The following MIB1 variants were observed in gnomAD, a reference collection of about 807,000 sequenced individuals.
The protein encoded by MIB1 is MIB E3 ubiquitin protein ligase 1.
A neutral mutation model predicts 124.5 loss-of-function variants in MIB1; 278 were observed. The observed-to-expected ratio is 2.23, with a 90% confidence interval of 2.02 to 2.47. The LOEUF is 2.47. Ranked by LOEUF, MIB1 falls within the 30% of genes most tolerant of loss-of-function variation. The pLI, the probability that MIB1 is intolerant of heterozygous loss-of-function variation, is 0.00. For missense variants in MIB1, 957 were observed against 1,254.4 expected (o/e 0.76, Z 3.58); for synonymous variants, 446 against 429.4 (o/e 1.04, Z -0.48).
chr18:21,866,368 A>G lies in MIB1; in HGVS notation c.*1702A>G, dbSNP rs898033333. Reference sequence around the variant, plus strand: ...TTATAGATTTCAAATTTGAAAATTCATGTACACTCAGTTATCTAATAAGGG... The same window carrying G: ...TTATAGATTTCAAATTTGAAAATTCGTGTACACTCAGTTATCTAATAAGGG... On this transcript the variant is annotated 3_prime_UTR_variant, in exon 21 of 21. Transcript: ENST00000261537. 1 of 152,218 alleles carries G rather than the reference A, an allele frequency of 6.6e-6. No homozygotes were observed. The highest frequency in any genetic ancestry group is 1.5e-5 in the Non-Finnish European group (1 of 68,034). The allele number at this position is 152,218 out of a possible 1,614,324, so 9.4% of individuals were successfully genotyped here.
chr18:21,829,315 CT>C (rs531966714), intron 12 of MIB1: 60 of 286,342 alleles, frequency 2.1e-4, no homozygotes, highest in Non-Finnish European at 3.5e-4. Context: ...GAACTTTGTC[CT>C]GGTTTGATTC....
rs375105348 is a variant in MIB1 at position 21,857,090 on chromosome 18, G to A, written c.2666-40G>A. 45 of 1,349,728 alleles carry A rather than the reference G, an allele frequency of 3.3e-5. No individual in the cohort carries two copies. In the African/African-American group the frequency reaches 5.7e-4, roughly 17 times the overall value. The allele number at this position is 1,349,728 out of a possible 1,614,324, so 83.6% of individuals were successfully genotyped here. ...AGAGAAAGGCAACACTCCTATTAAT[G>A]TTCTCTCTTGTAAGAAGTGTCTGTG... On this transcript the variant is annotated intron_variant, in intron 18 of 20. Transcript: ENST00000261537.
intron 6 of MIB1, 86 bp downstream of exon 6, chr18:21,779,771 C>A: frequency 2.9e-6 from 3 of 1,037,662 alleles, no homozygotes; most frequent in Non-Finnish European, 4.4e-6. Flanking sequence ...AGTGATACAA[C>A]CAAATACTCA....
Position 21,857,188 on chromosome 18 carries a change from G to C in MIB1, c.2724G>C (p.Val908=). Residue 908 remains valine (V), a synonymous_variant, in exon 19 of 21, where the codon GTG becomes GTC. Coordinates refer to ENST00000261537, the MANE Select transcript of MIB1 (RefSeq NM_020774.4). The part of the protein sequence containing the change: ...VQCRAVVERR[V]PFIMCCGGKS... ...GTCGAGCAGTAGTTGAACGAAGAGT[G>C]CCTTTCATTATGTGCTGTGGAGGGA... is the stretch of plus-strand genomic sequence containing the variant. The C allele has an allele frequency of 1.2e-6, 2 of 1,614,174 alleles. 1 individual carries two copies. The highest frequency in any genetic ancestry group is 2.2e-5 in the South Asian group (2 of 91,088).
intron 1 of MIB1, among the ~76,000 whole-genome samples, chr18:21,757,313 G>T (rs925638040): frequency 6.6e-6 from 1 of 151,306 alleles, no homozygotes; most frequent in Admixed American, 6.6e-5. Flanking sequence ...TTAGCCGGTT[G>T]TGGTGGCACA....
At chr18:21,856,240 A>AAAAAAACAAAAAAC (rs1555696788) in intron 18 of MIB1, among the ~76,000 whole-genome samples, 1 of 135,446 alleles carries the variant, frequency 7.4e-6, no homozygotes, top group African/African-American at 2.7e-5. Flanking sequence ...CCGTCTCAAA[A>AAAAAAACAAAAAAC]AAAAAACAAA....
intron 11 of MIB1, among the ~76,000 whole-genome samples, chr18:21,816,190 A>G (rs762815963): frequency 6.6e-6 from 1 of 152,088 alleles, no homozygotes; most frequent in Non-Finnish European, 1.5e-5. Context: ...CTTTTATTGT[A>G]GCTTAGGGAC....
chr18:21,724,868 G>A (rs1425915936), intron 1 of MIB1, among the ~76,000 whole-genome samples: 8 of 143,954 alleles, frequency 5.6e-5, no homozygotes, highest in Admixed American at 4.2e-4. Flanking sequence ...CGAGGCGGGC[G>A]GATCACGAGG....
At chr18:21,775,290 AGTGCAGTG>A (rs2041271448) in intron 4 of MIB1, among the ~76,000 whole-genome samples, 2 of 152,010 alleles carry the variant, frequency 1.3e-5, no homozygotes, top group South Asian at 4.1e-4. Flanking sequence ...CTCAAGCTGG[AGTGCAGTG>A]GTGCAATCAT....
intron 4 of MIB1, 26 bp from the exon 5 acceptor site, chr18:21,778,077 A>C (rs770056880): frequency 2.5e-6 from 4 of 1,578,312 alleles, no homozygotes; most frequent in Non-Finnish European, 3.5e-6. Flanking sequence ...TTCATGGGTG[A>C]TTTTTCTGGT....
At chr18:21,730,767 A>G (rs1294610145) in intron 1 of MIB1, among the ~76,000 whole-genome samples, 1 of 152,218 alleles carries the variant, frequency 6.6e-6, no homozygotes, top group African/African-American at 2.4e-5. Context: ...TATATAATGC[A>G]ACTAAATTGC....
At chr18:21,788,748 A>C (rs766346742) in intron 6 of MIB1, among the ~76,000 whole-genome samples, 1 of 152,248 alleles carries the variant, frequency 6.6e-6, no homozygotes, top group African/African-American at 2.4e-5. Flanking sequence ...TATTGTAGCT[A>C]ATAAATGAGT....
At chr18:21,763,259 C>T (rs865984728) in intron 1 of MIB1, among the ~76,000 whole-genome samples, 3 of 152,068 alleles carry the variant, frequency 2.0e-5, no homozygotes, top group Admixed American at 6.6e-5. Context: ...AAATCACATA[C>T]GCTTGTTTTT....
At chr18:21,762,441 C>A (rs2041108754) in intron 1 of MIB1, among the ~76,000 whole-genome samples, 1 of 152,100 alleles carries the variant, frequency 6.6e-6, no homozygotes, top group Non-Finnish European at 1.5e-5. Flanking sequence ...TGGTAAAATA[C>A]CATTTTTAAA....
At position 21,741,889 on chromosome 18, in the gene MIB1, G is replaced by A. The variant is rs2040857771; in HGVS notation, c.229+77G>A. On this transcript the variant is annotated intron_variant, in intron 1 of 20. Transcript: ENST00000261537. The surrounding 1 kb of genome is among the most constrained non-coding windows in gnomAD (Gnocchi z 5.4). The stretch of plus-strand genomic sequence containing the variant: ...GCTGCGGTGGGCGTCGGTGTCGCGG[G>A]GAGAGGTCTGCAGTGGGACACCTGG... 7.5e-7 allele frequency: 1 copy of A among 1,335,112 alleles called. No individual in the cohort carries two copies. The highest frequency in any genetic ancestry group is 1.0e-6 in the Non-Finnish European group (1 of 986,290). 82.7% of individuals were successfully genotyped at this position (1,335,112 alleles called of 1,614,324 possible). A position where few individuals can be genotyped will look rare whatever the true frequency, so the allele number is the denominator to read the frequency against.
intron 1 of MIB1, among the ~76,000 whole-genome samples, chr18:21,710,857 A>C (rs1337035285): frequency 1.6e-5 from 2 of 125,088 alleles, no homozygotes; most frequent in East Asian, 4.5e-4. Flanking sequence ...TTTGAGATGG[A>C]GTCTCTGTCG....
At chr18:21,809,993 A>G (rs2041752715) in intron 10 of MIB1, among the ~76,000 whole-genome samples, 1 of 152,138 alleles carries the variant, frequency 6.6e-6, no homozygotes, top group Non-Finnish European at 1.5e-5. Context: ...GATTTCAACA[A>G]AAAAACTTTT....
chr18:21,744,700 A>G (rs2040893251), intron 1 of MIB1, among the ~76,000 whole-genome samples: 1 of 152,174 alleles, frequency 6.6e-6, no homozygotes, highest in Non-Finnish European at 1.5e-5. Context: ...AATTCAGATT[A>G]TGTATTTTCG....
intron 1 of MIB1, among the ~76,000 whole-genome samples, chr18:21,764,501 C>T: frequency 6.6e-6 from 1 of 152,084 alleles, no homozygotes; most frequent in East Asian, 1.9e-4. Context: ...ATTTTTAGAA[C>T]ACGTTGTCTC....
Sources: allele counts gnomAD v4.1 joint callset (sites outside exome capture counted in the v4.1 genomes callset), GRCh38; gene constraint gnomAD v4.1.1; non-coding constraint Gnocchi (gnomAD v3.1); transcripts MANE v1.5; gene names NCBI Gene and HGNC (gene_info 2026-07-23, HGNC 2026-07-21).